The following CASZ1 variants were observed in gnomAD, a reference collection of about 807,000 sequenced individuals.
The protein encoded by CASZ1 is castor zinc finger 1.
A neutral mutation model predicts 135.2 loss-of-function variants in CASZ1; 28 were observed. The observed-to-expected ratio is 0.21, with a 90% CI of 0.15 to 0.28. The LOEUF (loss-of-function observed/expected upper bound fraction) is 0.28, where lower values mean the gene tolerates loss of function less well. Ranked by LOEUF, CASZ1 falls within the 10% of genes least tolerant of loss-of-function variation. CASZ1 has a pLI of 1.00. For synonymous variants in CASZ1, 1,068 were observed against 1,073.4 expected (o/e 0.99, Z 0.10); for missense variants, 2,161 against 2,453.3 (o/e 0.88, Z 2.52).
At chr1:10,772,189 G>A (rs1028930335) in intron 1 of CASZ1, among the ~76,000 whole-genome samples, 1 of 152,214 alleles carries the variant, frequency 6.6e-6, no homozygotes, top group Non-Finnish European at 1.5e-5. Flanking sequence ...GCATGGGTGG[G>A]AGAAAGAAGA....
chr1:10,783,097 C>T lies in CASZ1; in HGVS notation c.-234+13467G>A, dbSNP rs900797967. The stretch of plus-strand genomic sequence containing the variant: ...AGCACACAGGGCGCTGGGCAATGTC[C>T]GGGAATCAACACACACGGCCCTCCC... On this transcript the variant is annotated intron_variant, in intron 1 of 20. Transcript: ENST00000377022. Among the ~76,000 whole-genome samples the T allele has an allele frequency of 2.0e-5, 3 of 152,184 alleles. No individual in the cohort carries two copies. The South Asian group carries it at 6.2e-4, about 32-fold the overall frequency.
rs1640635381 is a variant in CASZ1 at position 10,774,850 on chromosome 1, G to A, written c.-233-13993C>T. The stretch of plus-strand genomic sequence containing the variant: ...AGAGCTCCCGCGGTCTTACAGACAA[G>A]GGAATGAATCCCCACGTGTCTCCTG... On this transcript the variant is annotated intron_variant, in intron 1 of 20. Transcript: ENST00000377022. The surrounding 1 kb of genome is among the most constrained non-coding windows in gnomAD (Gnocchi z 4.4). 6.6e-6 allele frequency among the ~76,000 whole-genome samples: 1 copy of A among 152,236 alleles called. No homozygotes were observed. The highest frequency in any genetic ancestry group is 1.9e-4 in the East Asian group (1 of 5,174).
rs1455043842 is a variant in CASZ1 at position 10,725,421 on chromosome 1, G to T, written c.-76-19877C>A. ...CCAGTTAAGCTCCATATTTTTCCTT[G>T]TCGATTGAAGAGACACACTTTCCTC... On this transcript the variant is annotated intron_variant, in intron 2 of 20. Coordinates refer to ENST00000377022, the MANE Select transcript of CASZ1 (RefSeq NM_001079843.3). This position sits in a 1 kb window ranked among gnomAD's most constrained non-coding sequence, Gnocchi z 4.4. Among the ~76,000 whole-genome samples, 1 of 150,264 alleles carries T rather than the reference G, an allele frequency of 6.7e-6. No homozygotes were observed. Among genetic ancestry groups the T allele is most frequent in the Non-Finnish European group, 1.5e-5 (1 of 67,598 alleles).
At chr1:10,742,016 G>A (rs569338160) in intron 2 of CASZ1, among the ~76,000 whole-genome samples, 5 of 152,106 alleles carry the variant, frequency 3.3e-5, no homozygotes, top group Admixed American at 6.5e-5. Context: ...ACCCCACCAC[G>A]GCTGCTCGGT....
At position 10,794,982 on chromosome 1, in the gene CASZ1, C is replaced by T. The variant is rs987873978; in HGVS notation, c.-234+1582G>A. Among the ~76,000 whole-genome samples, 1 of 151,834 alleles carries T rather than the reference C, an allele frequency of 6.6e-6. No homozygotes were observed. Among genetic ancestry groups the T allele is most frequent in the African/African-American group, 2.4e-5 (1 of 41,398 alleles). On this transcript the variant is annotated intron_variant, in intron 1 of 20. Coordinates refer to ENST00000377022, the MANE Select transcript of CASZ1 (RefSeq NM_001079843.3). This position sits in a 1 kb window ranked among gnomAD's most constrained non-coding sequence, Gnocchi z 5.6. Reference sequence around the variant, plus strand: ...CGGCCGCCCCCTCCCCTTCCAGACCCGGCTGCCCGGCCCGCCAGCTCCCGG... The same window carrying T: ...CGGCCGCCCCCTCCCCTTCCAGACCTGGCTGCCCGGCCCGCCAGCTCCCGG...
At position 10,666,699 on chromosome 1, in the gene CASZ1, A is replaced by C. The variant is rs1643246957; in HGVS notation, c.17-1128T>G. 6.6e-6 allele frequency among the ~76,000 whole-genome samples: 1 copy of C among 152,158 alleles called. No individual in the cohort carries two copies. The highest frequency in any genetic ancestry group is 1.5e-5 in the Non-Finnish European group (1 of 68,022). ...CCGCATAGCCCAAACTCTGTCCCTG[A>C]TAGGGCACCGAGGGTCCTGGGGGGG... On this transcript the variant is annotated intron_variant, in intron 4 of 20. Transcript: ENST00000377022. This position sits in a 1 kb window ranked among gnomAD's most constrained non-coding sequence, Gnocchi z 5.2.
At chr1:10,661,266 G>C (rs753684854) in intron 5 of CASZ1, 1 of 152,264 alleles carries the variant, frequency 6.6e-6, no homozygotes, top group African/African-American at 2.4e-5. Context: ...CACAAGGTTG[G>C]GCCACCCGGG....
rs1248394385 is a variant in CASZ1, at chr1:10,647,429, G to C, written c.3497+372C>G. The C allele has an allele frequency of 8.8e-7, 1 of 1,140,382 alleles. No individual in the cohort carries two copies. The highest frequency in any genetic ancestry group is 4.4e-5 in the Admixed American group (1 of 22,560). 70.6% of individuals were successfully genotyped at this position (1,140,382 alleles called of 1,614,324 possible). ...TGCAGAGATTCAGCCATGGGTGTGA[G>C]CCACAGAGGAGGCCAATACGGAGGC... On this transcript the variant is annotated intron_variant, in intron 16 of 20. Transcript: ENST00000377022. The surrounding 1 kb of genome is among the most constrained non-coding windows in gnomAD (Gnocchi z 4.9).
rs284299 is a variant in CASZ1 at position 10,649,384 on chromosome 1, C to A, written c.2934G>T (p.Ala978=). The change falls in exon 14 of 21, where the codon GCG becomes GCT. Residue 978 remains alanine, a synonymous_variant. Transcript: ENST00000377022. ...LGSLLNIKAE[A]EGSPAAEPSP... ...AGGGCTCCGCAGCGGGGCTCCCCTC[C>A]GCTTCCGCCTTGATGTTCAGCAGGC... The A allele has an allele frequency of 3.1e-6, 5 of 1,608,154 alleles. No individual in the cohort carries two copies. The highest frequency in any genetic ancestry group is 4.2e-6 in the Non-Finnish European group (5 of 1,177,776).
chr1:10,747,024 C>A lies in CASZ1; in HGVS notation c.-77+13677G>T, dbSNP rs1035976055. Among the ~76,000 whole-genome samples the A allele has an allele frequency of 1.3e-5, 2 of 152,242 alleles. No homozygotes were observed. The highest frequency in any genetic ancestry group is 2.9e-5 in the Non-Finnish European group (2 of 68,048). On this transcript the variant is annotated intron_variant, in intron 2 of 20. Transcript: ENST00000377022. The surrounding 1 kb of genome is among the most constrained non-coding windows in gnomAD (Gnocchi z 4.3). ...ACCCCATGGCTTCTCCCCTCATAGC[C>A]CCCGCTAACCAGGAGTGGACGCCCA...
chr1:10,678,596 C>G (rs942557637), intron 4 of CASZ1, among the ~76,000 whole-genome samples: 4 of 152,048 alleles, frequency 2.6e-5, no homozygotes, highest in Non-Finnish European at 4.4e-5. Flanking sequence ...CGCGCCGGCT[C>G]GCGCAGGGGC....
chr1:10,749,297 G>C (rs927835321), intron 2 of CASZ1, among the ~76,000 whole-genome samples: 3 of 151,716 alleles, frequency 2.0e-5, no homozygotes, highest in African/African-American at 7.3e-5. Context: ...GCCCAGGCTG[G>C]AGTGCAGTGG....
At position 10,640,064 on chromosome 1, in the gene CASZ1, G is replaced by A. The variant is rs750879806; in HGVS notation, c.4163-5C>T. On this transcript the variant is annotated splice_region_variant and splice_polypyrimidine_tract_variant and intron_variant, in intron 20 of 20. Coordinates refer to ENST00000377022, the MANE Select transcript of CASZ1 (RefSeq NM_001079843.3). ...TCGGCATAGAGATGGTGTTCCCTGG[G>A]GAGGGGCAGGGAGGTCAGTGCAGAA... The A allele has an allele frequency of 2.5e-6, 4 of 1,599,764 alleles. No homozygotes were observed. In the South Asian group the frequency reaches 4.4e-5, roughly 18 times the overall value.
chr1:10,654,299 C>G (rs1642713369), intron 10 of CASZ1, 81 bp from the exon 11 acceptor site: 1 of 1,579,596 alleles, frequency 6.3e-7, no homozygotes, highest in Non-Finnish European at 8.6e-7. Context: ...AGGGACAGTC[C>G]CCCGGGTGGA....
intron 4 of CASZ1, among the ~76,000 whole-genome samples, chr1:10,670,857 C>T (rs1557491530): frequency 1.3e-5 from 2 of 152,160 alleles, no homozygotes; most frequent in South Asian, 4.1e-4. Flanking sequence ...CAGGACCCGT[C>T]CCCTCCATCC....
chr1:10,698,114 G>A (rs536232059), intron 3 of CASZ1, among the ~76,000 whole-genome samples: 8 of 152,370 alleles, frequency 5.3e-5, no homozygotes, highest in African/African-American at 9.6e-5. Flanking sequence ...GTGGCGGAGC[G>A]AGGGCCGCGC....
In CASZ1 at chr1:10,774,834, G is replaced by T. The variant is rs12076104; in HGVS notation, c.-233-13977C>A. 0.065 allele frequency among the ~76,000 whole-genome samples: 9,904 copies of T among 151,916 alleles called. 731 individuals are homozygous for T. The highest frequency in any genetic ancestry group is 0.18 in the African/African-American group (7,559 of 41,404). ...CACAGTCCTGACACTCAGAGCTCCC[G>T]CGGTCTTACAGACAAGGGAATGAAT... On this transcript the variant is annotated intron_variant, in intron 1 of 20. Transcript: ENST00000377022. This position sits in a 1 kb window ranked among gnomAD's most constrained non-coding sequence, Gnocchi z 4.4.
intron 2 of CASZ1, among the ~76,000 whole-genome samples, chr1:10,722,524 G>T (rs1281320201): frequency 2.0e-5 from 3 of 152,240 alleles, no homozygotes; most frequent in Non-Finnish European, 2.9e-5. Flanking sequence ...CTCGGAGAAG[G>T]CTTCTTCTAT....
chr1:10,795,714 G>A (rs960961409), intron 1 of CASZ1, among the ~76,000 whole-genome samples: 2 of 152,220 alleles, frequency 1.3e-5, no homozygotes, highest in African/African-American at 4.8e-5. Flanking sequence ...GGCAGGGGGT[G>A]GGGTGGGGAA....
Sources: gnomAD v4.1 joint callset for allele counts (sites outside exome capture counted in the v4.1 genomes callset) on GRCh38, gnomAD v4.1.1 for gene constraint, Gnocchi (gnomAD v3.1) non-coding constraint, MANE v1.5 for transcripts, NCBI Gene and HGNC (gene_info 2026-07-23, HGNC 2026-07-21) for gene names.